Variants in EIPR1 observed in about 807,000 individuals in gnomAD.
EIPR1 encodes EARP and GARP complex-interacting protein 1.
EIPR1 carries 25 observed loss-of-function variants against 48.1 expected under a neutral mutation model. The ratio of observed to expected loss-of-function variants is 0.52; its 90% confidence interval spans 0.38 to 0.73. EIPR1 has a LOEUF of 0.73. Among genes scored for constraint, EIPR1 ranks in the 30% least tolerant of loss-of-function variants. EIPR1 has a pLI of 0.00. For synonymous variants in EIPR1, 204 were observed against 201.9 expected, an observed-to-expected ratio of 1.01 and a Z score of -0.09; for missense variants, 415 against 506.2, an observed-to-expected ratio of 0.82 and a Z score of 1.73.
intron 6 of EIPR1, among the ~76,000 whole-genome samples, chr2:3,195,151 C>A (rs1664764157): frequency 6.6e-6 from 1 of 152,216 alleles, no homozygotes. Flanking sequence ...GCCCTGATGT[C>A]ATGAATCCCA....
At chr2:3,211,867 C>T (rs1404321648) in intron 5 of EIPR1, among the ~76,000 whole-genome samples, 1 of 152,398 alleles carries the variant, frequency 6.6e-6, no homozygotes, top group African/African-American at 2.4e-5. Flanking sequence ...TGAGCACACA[C>T]AGACACAGGA....
intron 5 of EIPR1, among the ~76,000 whole-genome samples, chr2:3,209,979 C>T (rs536953692): frequency 9.2e-5 from 14 of 152,198 alleles, no homozygotes; most frequent in Admixed American, 6.5e-5. Flanking sequence ...TTGTCCAAAC[C>T]CACAGAACAT....
chr2:3,217,649 G>A (rs918786598), intron 4 of EIPR1, among the ~76,000 whole-genome samples: 4 of 152,146 alleles, frequency 2.6e-5, no homozygotes, highest in Non-Finnish European at 5.9e-5. Flanking sequence ...TGGAGAAGCC[G>A]CCCTCTGTGA....
chr2:3,253,901 C>A (rs543274592), intron 4 of EIPR1, among the ~76,000 whole-genome samples: 3 of 152,120 alleles, frequency 2.0e-5, no homozygotes, highest in African/African-American at 2.4e-5. Context: ...CCATTTCCTG[C>A]GGTGTGGGGC....
Position 3,377,744 on chromosome 2 carries a change from G to A in EIPR1, c.-55C>T, listed in dbSNP as rs889891787. On this transcript the variant is annotated 5_prime_UTR_variant, in exon 1 of 9. Coordinates refer to ENST00000382125, the MANE Select transcript of EIPR1 (RefSeq NM_003310.5). The stretch of plus-strand genomic sequence containing the variant: ...CTCACACGCTAAGGACCTCGCTACG[G>A]CCGGCGCGTCCCCACCTCGCGGGCG... 5 of 1,547,256 alleles carry A rather than the reference G, an allele frequency of 3.2e-6. No individual in the cohort carries two copies. The highest frequency in any genetic ancestry group is 4.4e-6 in the Non-Finnish European group (5 of 1,144,148).
At chr2:3,350,117 CAAAAAAAA>C (rs35912767) in intron 2 of EIPR1, among the ~76,000 whole-genome samples, 2 of 57,446 alleles carry the variant, frequency 3.5e-5, no homozygotes, top group South Asian at 1.2e-3. Context: ...GACTCTGTCT[CAAAAAAAA>C]AAAAAAAAAA....
Position 3,286,666 on chromosome 2 carries a change from C to A in EIPR1, c.260-29211G>T, listed in dbSNP as rs1313270626. 1.3e-5 allele frequency among the ~76,000 whole-genome samples: 2 copies of A among 152,244 alleles called. No individual in the cohort carries two copies. The highest frequency in any genetic ancestry group is 6.5e-5 in the Admixed American group (1 of 15,290). Reference sequence around the variant, plus strand: ...GTGCCCCGCAGAGCACCCGAGACAGCGGCTGGCAGAGCACAGGCAGCAATG... The same window carrying A: ...GTGCCCCGCAGAGCACCCGAGACAGAGGCTGGCAGAGCACAGGCAGCAATG... On this transcript the variant is annotated intron_variant, in intron 3 of 8. Coordinates refer to ENST00000382125, the MANE Select transcript of EIPR1 (RefSeq NM_003310.5). This position sits in a 1 kb window ranked among gnomAD's most constrained non-coding sequence, Gnocchi z 4.2.
intron 3 of EIPR1, among the ~76,000 whole-genome samples, chr2:3,299,290 C>G (rs75265024): frequency 6.6e-6 from 1 of 151,046 alleles, no homozygotes; most frequent in Non-Finnish European, 1.5e-5. Flanking sequence ...CCTGGCCCCC[C>G]GTCCTGCCGT....
chr2:3,337,927 T>C, intron 3 of EIPR1, 90 bp downstream of exon 3: 2 of 1,399,134 alleles, frequency 1.4e-6, no homozygotes, highest in South Asian at 1.4e-5. Flanking sequence ...TTTTCAGTCA[T>C]GTGTCGACCC....
chr2:3,257,960 T>C (rs1476758477), intron 3 of EIPR1, among the ~76,000 whole-genome samples: 1 of 152,168 alleles, frequency 6.6e-6, no homozygotes. Context: ...AAGTGATGAG[T>C]ATCTGGGACC....
At chr2:3,206,296 C>T (rs71444233) in intron 5 of EIPR1, among the ~76,000 whole-genome samples, 87 of 152,298 alleles carry the variant, frequency 5.7e-4, no homozygotes, top group Admixed American at 9.8e-4. Flanking sequence ...CAGGGTCACA[C>T]GGCAGGTAGG....
intron 3 of EIPR1, among the ~76,000 whole-genome samples, chr2:3,308,639 T>C (rs1391868639): frequency 2.6e-5 from 4 of 152,162 alleles, no homozygotes; most frequent in Admixed American, 1.3e-4. Context: ...GTGAAGGACG[T>C]TGCCTACAGA....
At chr2:3,194,806 T>C (rs1664753417) in intron 6 of EIPR1, among the ~76,000 whole-genome samples, 1 of 151,774 alleles carries the variant, frequency 6.6e-6, no homozygotes. Context: ...GGGAAGGCCA[T>C]GAAAGCAGGA....
At chr2:3,292,268 T>C (rs1317108044) in intron 3 of EIPR1, among the ~76,000 whole-genome samples, 2 of 152,218 alleles carry the variant, frequency 1.3e-5, no homozygotes, top group African/African-American at 4.8e-5. Context: ...TTTATGTTAA[T>C]GGTTTATCAT....
intron 3 of EIPR1, among the ~76,000 whole-genome samples, chr2:3,300,002 G>A (rs1378454529): frequency 1.3e-5 from 2 of 152,176 alleles, no homozygotes; most frequent in Admixed American, 6.5e-5. Context: ...TCCCCAGTGA[G>A]GTATGCAGCC....
At chr2:3,299,726 A>C (rs975165630) in intron 3 of EIPR1, among the ~76,000 whole-genome samples, 4 of 152,070 alleles carry the variant, frequency 2.6e-5, no homozygotes, top group Non-Finnish European at 4.4e-5. Flanking sequence ...CACGGAAGAC[A>C]GACAACCTGG....
intron 3 of EIPR1, among the ~76,000 whole-genome samples, chr2:3,285,866 C>T (rs372664146): frequency 0.079 from 7,807 of 98,930 alleles, 1,526 homozygotes; most frequent in Non-Finnish European, 0.12. Flanking sequence ...GGGACCCTCG[C>T]ACGGAGCAGA....
At chr2:3,306,749 A>T (rs1668955648) in intron 3 of EIPR1, among the ~76,000 whole-genome samples, 1 of 152,160 alleles carries the variant, frequency 6.6e-6, no homozygotes, top group Admixed American at 6.5e-5. Context: ...GAGCAGACTG[A>T]GGAGGAGGAA....
At chr2:3,261,590 CCAGGT>C (rs1414109840) in intron 3 of EIPR1, 1 of 152,300 alleles carries the variant, frequency 6.6e-6, no homozygotes, top group Non-Finnish European at 1.5e-5. Flanking sequence ...CCACACATTT[CCAGGT>C]CTGCTGAACA....
Sources: allele counts gnomAD v4.1 joint callset (sites outside exome capture counted in the v4.1 genomes callset), GRCh38; gene constraint gnomAD v4.1.1; non-coding constraint Gnocchi (gnomAD v3.1); transcripts MANE v1.5; gene names NCBI Gene and HGNC (gene_info 2026-07-23, HGNC 2026-07-21).